The following LAMA1 variants were observed in gnomAD, a reference collection of about 807,000 sequenced individuals.
LAMA1 encodes laminin subunit alpha 1, also known as laminin subunit alpha-1.
Under a neutral mutation model 348.7 loss-of-function variants are expected in LAMA1, and 219 were observed. The observed-to-expected ratio is 0.63, with a 90% CI of 0.56 to 0.70. The LOEUF (loss-of-function observed/expected upper bound fraction) is 0.70, where lower values mean the gene tolerates loss of function less well. Among genes scored for constraint, LAMA1 ranks in the 30% least tolerant of loss-of-function variants. The pLI is 0.00. For missense variants in LAMA1, 3,744 were observed against 3,888.0 expected (o/e 0.96, Z 0.99); for synonymous variants, 1,487 against 1,491.0 (o/e 1.00, Z 0.06).
At position 7,016,688 on chromosome 18, in the gene LAMA1, G is replaced by T. The variant is rs766094803; in HGVS notation, c.2809-17C>A. ...ATAGCCATGCTGTTTCACCAAAGGG[G>T]GAGAAAGTGGAAACCAACATACGTT... is the stretch of plus-strand genomic sequence containing the variant. On this transcript the variant is annotated splice_polypyrimidine_tract_variant and intron_variant, in intron 20 of 62. Coordinates refer to ENST00000389658, the MANE Select transcript of LAMA1 (RefSeq NM_005559.4). The T allele has an allele frequency of 1.2e-6, 2 of 1,602,894 alleles. No individual in the cohort carries two copies. Among genetic ancestry groups the T allele is most frequent in the Non-Finnish European group, 1.7e-6 (2 of 1,174,634 alleles).
At chr18:7,034,404 T>A (rs1297364002) in intron 14 of LAMA1, 75 bp downstream of exon 14, 1 of 1,091,544 alleles carries the variant, frequency 9.2e-7, no homozygotes, top group African/African-American at 1.6e-5. Flanking sequence ...CGTTGAGCTT[T>A]AAATATATAT....
intron 29 of LAMA1, among the ~76,000 whole-genome samples, chr18:7,005,608 G>T (rs968163994): frequency 3.9e-5 from 6 of 152,164 alleles, no homozygotes; most frequent in Non-Finnish European, 7.3e-5. Flanking sequence ...AATTAGCTGG[G>T]TGTGGTGGCA....
chr18:7,002,906 G>A (rs1056520365), intron 29 of LAMA1, among the ~76,000 whole-genome samples: 1 of 151,504 alleles, frequency 6.6e-6, no homozygotes, highest in African/African-American at 2.4e-5. Flanking sequence ...TTAAGGACGA[G>A]GTCTCCCTGT....
intron 5 of LAMA1, among the ~76,000 whole-genome samples, chr18:7,047,903 T>C (rs1409804555): frequency 6.6e-6 from 1 of 152,154 alleles, no homozygotes; most frequent in Non-Finnish European, 1.5e-5. Flanking sequence ...GAATTATAGA[T>C]GTAAAAGCTA....
At chr18:7,000,252 A>T (rs988476319) in intron 30 of LAMA1, among the ~76,000 whole-genome samples, 3 of 152,254 alleles carry the variant, frequency 2.0e-5, no homozygotes. Context: ...TAAGTGGAAG[A>T]AGACTGACCT....
chr18:6,994,672 GACACAC>G lies in LAMA1; in HGVS notation c.4896+679_4896+684del, dbSNP rs10534077. Among the ~76,000 whole-genome samples the G allele has an allele frequency of 4.5e-4, 67 of 148,416 alleles. No individual in the cohort carries two copies. In the South Asian group the frequency reaches 5.0e-3, roughly 11 times the overall value. The stretch of plus-strand genomic sequence containing the variant: ...TGTATAGATACACCATCACAGTACA[GACACAC>G]ACACACACACACACACACACATACA... On this transcript the variant is annotated intron_variant, in intron 34 of 62. Transcript: ENST00000389658.
intron 32 of LAMA1, 73 bp from the exon 33 acceptor site, chr18:6,997,957 C>A (rs773462516): frequency 1.4e-6 from 2 of 1,411,956 alleles, no homozygotes; most frequent in East Asian, 2.3e-5. Context: ...CATGGAGTTG[C>A]GCAAGTTGTT....
chr18:7,013,780 A>G (rs1164239816), intron 23 of LAMA1, 35 bp downstream of exon 23: 1 of 1,599,728 alleles, frequency 6.3e-7, no homozygotes, highest in Admixed American at 1.7e-5. Flanking sequence ...GAGGAGCCAG[A>G]GACAGGATGA....
At chr18:7,025,557 A>G (rs932606376) in intron 17 of LAMA1, among the ~76,000 whole-genome samples, 5 of 152,210 alleles carry the variant, frequency 3.3e-5, no homozygotes, top group South Asian at 2.1e-4. Context: ...TATCTGTTGA[A>G]TCAATGAATG....
At chr18:7,078,151 TTTTTA>T (rs1318268827) in intron 3 of LAMA1, among the ~76,000 whole-genome samples, 33 of 150,164 alleles carry the variant, frequency 2.2e-4, no homozygotes, top group African/African-American at 6.8e-4. Context: ...TTTTTTTTGT[TTTTTA>T]TTTTATTTTA....
intron 41 of LAMA1, among the ~76,000 whole-genome samples, chr18:6,981,694 T>C (rs1032528048): frequency 1.3e-5 from 2 of 152,168 alleles, no homozygotes; most frequent in Admixed American, 6.6e-5. Context: ...AAAAAAATTA[T>C]GTACATATCC....
At chr18:7,060,499 T>A (rs911624324) in intron 3 of LAMA1, among the ~76,000 whole-genome samples, 6 of 152,210 alleles carry the variant, frequency 3.9e-5, no homozygotes, top group Non-Finnish European at 7.3e-5. Context: ...CCAATAGTGA[T>A]AAATTTAGAT....
intron 36 of LAMA1, among the ~76,000 whole-genome samples, chr18:6,989,740 T>C (rs1041580521): frequency 3.3e-5 from 5 of 152,086 alleles, no homozygotes; most frequent in Non-Finnish European, 5.9e-5. Flanking sequence ...CCCACCTCCT[T>C]TCAGGTCTCT....
chr18:7,110,888 TCC>T (rs35705241), intron 1 of LAMA1, among the ~76,000 whole-genome samples: 80,147 of 143,178 alleles, frequency 0.56, 21,752 homozygotes, highest in East Asian at 0.69. Context: ...TTTTTTTCCC[TCC>T]CCCCCCCCAC....
chr18:6,992,877 T>C (rs2057764983), intron 35 of LAMA1, among the ~76,000 whole-genome samples, 157 bp from the exon 36 acceptor site: 1 of 152,264 alleles, frequency 6.6e-6, no homozygotes, highest in African/African-American at 2.4e-5. Context: ...CCCAGTGTAC[T>C]CTGCACATCC....
chr18:6,985,971 G>A (rs1013200570), intron 37 of LAMA1, among the ~76,000 whole-genome samples, 166 bp downstream of exon 37: 51 of 152,220 alleles, frequency 3.4e-4, no homozygotes, highest in African/African-American at 1.2e-3. Flanking sequence ...TGTTGGCCAG[G>A]ATGGTCTCGA....
chr18:6,978,432 A>C, intron 42 of LAMA1, 54 bp from the exon 43 acceptor site: 2 of 1,461,092 alleles, frequency 1.4e-6, no homozygotes, highest in Non-Finnish European at 1.9e-6. Flanking sequence ...CACAGAGAAA[A>C]GAATAAAACG....
At chr18:7,115,955 C>A (rs1288103692) in intron 1 of LAMA1, among the ~76,000 whole-genome samples, 3 of 151,572 alleles carry the variant, frequency 2.0e-5, no homozygotes, top group Non-Finnish European at 2.9e-5. Flanking sequence ...CTCCTGCCTG[C>A]AGCCCGGAGA....
At chr18:7,067,906 TG>T (rs1248605141) in intron 3 of LAMA1, among the ~76,000 whole-genome samples, 1 of 151,216 alleles carries the variant, frequency 6.6e-6, no homozygotes, top group African/African-American at 2.4e-5. Flanking sequence ...CCGGCTGGAG[TG>T]CAATGGCACG....
Sources: allele counts gnomAD v4.1 joint callset (sites outside exome capture counted in the v4.1 genomes callset), GRCh38; gene constraint gnomAD v4.1.1; transcripts MANE v1.5; gene names NCBI Gene and HGNC (gene_info 2026-07-23, HGNC 2026-07-21).